Variants in LMLN observed in about 807,000 individuals in gnomAD.
The protein encoded by LMLN is leishmanolysin-like peptidase.
Under a neutral mutation model 92.3 loss-of-function variants are expected in LMLN, and 70 were observed. The ratio of observed to expected loss-of-function variants is 0.76; its 90% CI spans 0.63 to 0.92. The LOEUF is 0.92. Ranked by LOEUF, LMLN falls within the 40% of genes least tolerant of loss-of-function variation. The probability of loss-of-function intolerance (pLI) is 0.00; values close to 1 mark genes in which losing one functional copy is unlikely to be tolerated. For missense variants in LMLN, 691 were observed against 814.6 expected (o/e 0.85, Z 1.85); for synonymous variants, 308 against 296.2 (o/e 1.04, Z -0.41).
At chr3:198,018,207 T>A (rs1339234261) in intron 11 of LMLN, among the ~76,000 whole-genome samples, 1 of 152,244 alleles carries the variant, frequency 6.6e-6, no homozygotes, top group Non-Finnish European at 1.5e-5. Flanking sequence ...CAGAAATGAC[T>A]TTCATGGTAT....
intron 9 of LMLN, among the ~76,000 whole-genome samples, chr3:197,995,353 A>G (rs1037155934): frequency 4.6e-5 from 7 of 152,200 alleles, no homozygotes; most frequent in African/African-American, 1.7e-4. Context: ...ACAGTTATAC[A>G]CAGATATTGG....
chr3:198,027,241 GT>G (rs1255130344), intron 14 of LMLN, among the ~76,000 whole-genome samples: 1 of 151,720 alleles, frequency 6.6e-6, no homozygotes, highest in Non-Finnish European at 1.5e-5. Context: ...TGACCTCCCG[GT>G]CACACACCTC....
At chr3:198,000,535 C>T (rs992976240) in intron 11 of LMLN, among the ~76,000 whole-genome samples, 1 of 152,202 alleles carries the variant, frequency 6.6e-6, no homozygotes, top group Non-Finnish European at 1.5e-5. Flanking sequence ...TCAAGCGACT[C>T]TCCTGCCTCA....
intron 3 of LMLN, among the ~76,000 whole-genome samples, 179 bp from the exon 4 acceptor site, chr3:197,975,850 A>G (rs1477703150): frequency 1.3e-5 from 2 of 152,136 alleles, no homozygotes; most frequent in Admixed American, 6.6e-5. Context: ...AATGGGGGAA[A>G]TTCTTTTCCT....
chr3:197,985,703 G>C (rs568895775), intron 7 of LMLN, 93 bp from the exon 8 acceptor site: 1 of 749,306 alleles, frequency 1.3e-6, no homozygotes, highest in African/African-American at 1.7e-5. Context: ...GTGCTTCTAC[G>C]TTCCCGTTAG....
In LMLN at chr3:198,019,453, G is replaced by C. The variant is rs1581174065; in HGVS notation, c.1365+68G>C. On this transcript the variant is annotated intron_variant, in intron 12 of 15. Coordinates refer to ENST00000330198, the Ensembl canonical transcript of LMLN. The surrounding 1 kb of genome is among the most constrained non-coding windows in gnomAD (Gnocchi z 5.5). ...AAAGTAGTCTCCATTTTAACTAAAAGAGTAAATTCTCTTAAGATTCTTAAT... is the reference window on the plus strand; with the variant it reads ...AAAGTAGTCTCCATTTTAACTAAAACAGTAAATTCTCTTAAGATTCTTAAT... 15 of 1,447,800 alleles carry C rather than the reference G, an allele frequency of 1.0e-5. No individual in the cohort carries two copies. In the East Asian group the frequency reaches 3.5e-4, roughly 34 times the overall value. The allele number at this position is 1,447,800 out of a possible 1,614,324, so 89.7% of individuals were successfully genotyped here.
In LMLN at chr3:198,021,625, G is replaced by T; in HGVS notation, c.1525+20G>T. ...AACCAGGTTAGTCGGCTAGTGAAAT[G>T]AAGTATTATATACATATTAAAATTA... On this transcript the variant is annotated intron_variant, in intron 13 of 15. Coordinates refer to ENST00000330198, the Ensembl canonical transcript of LMLN. The T allele has an allele frequency of 6.2e-7, 1 of 1,604,500 alleles. No individual in the cohort carries two copies. Among genetic ancestry groups the T allele is most frequent in the Non-Finnish European group, 8.5e-7 (1 of 1,171,538 alleles).
At chr3:197,983,672 GT>G (rs375505825) in intron 6 of LMLN, among the ~76,000 whole-genome samples, 210 of 152,234 alleles carry the variant, frequency 1.4e-3, no homozygotes, top group African/African-American at 5.0e-3. Context: ...GAGCCTTTCA[GT>G]TCGTTCTTTT....
chr3:197,985,717 C>A, intron 7 of LMLN, 79 bp from the exon 8 acceptor site: 1 of 887,020 alleles, frequency 1.1e-6, no homozygotes, highest in Non-Finnish European at 1.8e-6. Flanking sequence ...CCGTTAGTAT[C>A]AGTGCTCTCT....
At chr3:197,992,191 G>T (rs553288106) in intron 9 of LMLN, among the ~76,000 whole-genome samples, 1 of 151,626 alleles carries the variant, frequency 6.6e-6, no homozygotes, top group African/African-American at 2.4e-5. Context: ...CATCCTATTG[G>T]TTCTGTTTCT....
exon 9 of LMLN, chr3:197,990,620 C>G: frequency 1.2e-6 from 2 of 1,604,808 alleles, no homozygotes; most frequent in Non-Finnish European, 1.7e-6. Flanking sequence ...ATGGGATGTT[C>G]GAGATAATAA....
chr3:198,005,599 A>C (rs1722270701), intron 11 of LMLN, among the ~76,000 whole-genome samples: 1 of 151,524 alleles, frequency 6.6e-6, no homozygotes, highest in Non-Finnish European at 1.5e-5. Flanking sequence ...AGATGCAACC[A>C]TCATTTTTTC....
At chr3:198,038,528 A>G in intron 15 of LMLN, 39 bp from the exon 17 acceptor site, 2 of 1,400,744 alleles carry the variant, frequency 1.4e-6, no homozygotes, top group Non-Finnish European at 1.0e-6. Flanking sequence ...TTATCCCAAA[A>G]TTGTTTATAG....
chr3:198,015,471 A>G (rs1290934036), intron 11 of LMLN, among the ~76,000 whole-genome samples: 1 of 140,456 alleles, frequency 7.1e-6, no homozygotes, highest in Non-Finnish European at 1.5e-5. Context: ...CACCCTTCAG[A>G]GTCCCCTAAC....
At chr3:197,960,234 C>T in exon 1 of LMLN, 1 of 1,609,508 alleles carries the variant, frequency 6.2e-7, no homozygotes. Context: ...GGTAACGACG[C>T]TCGGCCCGAA....
chr3:197,972,491 T>G (rs1175602696), intron 1 of LMLN, among the ~76,000 whole-genome samples: 1 of 152,208 alleles, frequency 6.6e-6, no homozygotes, highest in African/African-American at 2.4e-5. Context: ...TATGTGTATG[T>G]TTTCTTTTAA....
chr3:197,985,216 A>G (rs1721670882), intron 7 of LMLN, among the ~76,000 whole-genome samples: 1 of 152,068 alleles, frequency 6.6e-6, no homozygotes, highest in Non-Finnish European at 1.5e-5. Context: ...GCTCTGGTCC[A>G]GCTCTTGTTC....
chr3:198,038,593 G>C, exon 16 of LMLN: 1 of 1,614,008 alleles, frequency 6.2e-7, no homozygotes, highest in East Asian at 2.2e-5. Flanking sequence ...CTCGAGCCTG[G>C]TGGTCACCCT....
At chr3:198,040,152 A>T (rs1421222821) in exon 16 of LMLN, 1 of 152,244 alleles carries the variant, frequency 6.6e-6, no homozygotes, top group Admixed American at 6.5e-5. Context: ...TTTATGTTTA[A>T]GAAGGATGGT....
Sources: gnomAD v4.1 joint callset for allele counts (sites outside exome capture counted in the v4.1 genomes callset) on GRCh38, gnomAD v4.1.1 for gene constraint, Gnocchi (gnomAD v3.1) non-coding constraint, MANE v1.5 for transcripts, NCBI Gene and HGNC (gene_info 2026-07-23, HGNC 2026-07-21) for gene names.